Variants in CTNNA3 observed in about 807,000 individuals in gnomAD.
CTNNA3 encodes catenin alpha 3, also known as catenin alpha-3.
CTNNA3 carries 76 observed loss-of-function variants against 95.7 expected under a neutral mutation model. The observed-to-expected ratio is 0.79, with a 90% CI of 0.66 to 0.96. The LOEUF (loss-of-function observed/expected upper bound fraction) is 0.96. Ranked by LOEUF, CTNNA3 falls within the 40% of genes least tolerant of loss-of-function variation. CTNNA3 has a pLI of 0.00. For synonymous variants in CTNNA3, 431 were observed against 374.4 expected, an observed-to-expected ratio of 1.15 and a Z score of -1.74; for missense variants, 1,191 against 1,089.8, an observed-to-expected ratio of 1.09 and a Z score of -1.31.
rs1322884423 is a variant in CTNNA3, at chr10:66,927,082, C to A, written c.1048-151558G>T. On this transcript the variant is annotated intron_variant, in intron 7 of 17. Transcript: ENST00000433211. This position sits in a 1 kb window ranked among gnomAD's most constrained non-coding sequence, Gnocchi z 4.7. Reference sequence around the variant, plus strand: ...TGAATCTCAGAAATTACAGGAGATACCCTCAAGTATATCTGCTGGTTGCTT... The same window carrying A: ...TGAATCTCAGAAATTACAGGAGATAACCTCAAGTATATCTGCTGGTTGCTT... The A allele has an allele frequency of 6.2e-7, 1 of 1,614,166 alleles. No individual in the cohort carries two copies. Among genetic ancestry groups the A allele is most frequent in the Non-Finnish European group, 8.5e-7 (1 of 1,180,036 alleles).
At chr10:67,753,969 T>C (rs1011424213) in intron 1 of CTNNA3, among the ~76,000 whole-genome samples, 2 of 152,216 alleles carry the variant, frequency 1.3e-5, no homozygotes, top group Non-Finnish European at 2.9e-5. Context: ...ACTGGGTATA[T>C]ACCCAAAGGA....
intron 7 of CTNNA3, among the ~76,000 whole-genome samples, chr10:67,139,791 A>T (rs1211642666): frequency 6.6e-6 from 1 of 152,236 alleles, no homozygotes; most frequent in Admixed American, 6.5e-5. Context: ...AAATAATTTT[A>T]TAATCAGTGT....
chr10:65,969,984 G>A (rs1437582675), intron 16 of CTNNA3, among the ~76,000 whole-genome samples: 1 of 151,986 alleles, frequency 6.6e-6, no homozygotes, highest in Non-Finnish European at 1.5e-5. Context: ...GACTATCCAA[G>A]GTCAATACTA....
chr10:66,360,646 TCTTTCTTTCTTTCTTCCTTCCTTCCTTC>T (rs1363533002), intron 12 of CTNNA3, among the ~76,000 whole-genome samples: 1,062 of 66,664 alleles, frequency 0.016, 21 homozygotes, highest in East Asian at 0.13. Context: ...TTTCTTTCTT[TCTTTCTTTCTTTCTTCCTTCCTTCCTTC>T]CTTCCTTCCT....
intron 16 of CTNNA3, among the ~76,000 whole-genome samples, chr10:65,982,914 A>G (rs2078354361): frequency 1.3e-5 from 2 of 151,548 alleles, no homozygotes; most frequent in Non-Finnish European, 3.0e-5. Context: ...GCTTCTCAGT[A>G]GTATAGTTTC....
At chr10:67,581,125 C>G (rs952443516) in intron 3 of CTNNA3, among the ~76,000 whole-genome samples, 6 of 152,144 alleles carry the variant, frequency 3.9e-5, no homozygotes, top group Non-Finnish European at 7.4e-5. Context: ...GAGGGTATCC[C>G]TGTCTTGTGC....
At chr10:66,045,195 A>G (rs2079803416) in intron 15 of CTNNA3, among the ~76,000 whole-genome samples, 1 of 152,212 alleles carries the variant, frequency 6.6e-6, no homozygotes, top group Non-Finnish European at 1.5e-5. Context: ...TCACAATTAG[A>G]GCAGATTTTA....
chr10:66,771,037 T>A (rs1172282079), intron 8 of CTNNA3, among the ~76,000 whole-genome samples: 1 of 152,110 alleles, frequency 6.6e-6, no homozygotes, highest in Non-Finnish European at 1.5e-5. Flanking sequence ...ATGATGAGGA[T>A]GATGACCAGG....
intron 13 of CTNNA3, among the ~76,000 whole-genome samples, chr10:66,212,050 C>T (rs1482790170): frequency 2.3e-5 from 3 of 130,970 alleles, no homozygotes; most frequent in African/African-American, 6.1e-5. Context: ...AATGCAGTGG[C>T]GCGATCTCAG....
At chr10:65,999,914 T>A (rs2078737072) in intron 15 of CTNNA3, among the ~76,000 whole-genome samples, 1 of 142,246 alleles carries the variant, frequency 7.0e-6, no homozygotes, top group African/African-American at 2.6e-5. Context: ...TAAACAGTGG[T>A]TACAATAATA....
At chr10:66,037,079 A>G (rs868186128) in intron 15 of CTNNA3, among the ~76,000 whole-genome samples, 3 of 151,806 alleles carry the variant, frequency 2.0e-5, no homozygotes, top group Non-Finnish European at 4.4e-5. Flanking sequence ...TCACCATGTT[A>G]GCCAGGATGG....
At chr10:66,901,587 G>C (rs1845746869) in intron 7 of CTNNA3, among the ~76,000 whole-genome samples, 1 of 152,122 alleles carries the variant, frequency 6.6e-6, no homozygotes, top group Non-Finnish European at 1.5e-5. Context: ...CTGGCAAATT[G>C]GATAAAGAGT....
chr10:67,243,589 T>C (rs1210394203), intron 5 of CTNNA3, among the ~76,000 whole-genome samples: 1 of 152,220 alleles, frequency 6.6e-6, no homozygotes, highest in African/African-American at 2.4e-5. Context: ...TTTTTTGTTA[T>C]AGACAAGCAT....
rs1844754511 is a variant in CTNNA3 at position 66,621,670 on chromosome 10, A to G, written c.1374+22T>C. On this transcript the variant is annotated intron_variant, in intron 10 of 17. Transcript: ENST00000433211. ...GGAATTATATATAATTTTACACACA[A>G]AAAGTAACTTAGTTGTCATACCTGT... 2.1e-6 allele frequency: 3 copies of G among 1,430,186 alleles called. No individual in the cohort carries two copies. The African/African-American group carries it at 4.3e-5, about 21-fold the overall frequency. The allele number at this position is 1,430,186 out of a possible 1,614,324, so 88.6% of individuals were successfully genotyped here. A position where few individuals can be genotyped will look rare whatever the true frequency, so the allele number is the denominator to read the frequency against.
At chr10:66,308,081 T>C (rs942518624) in intron 12 of CTNNA3, among the ~76,000 whole-genome samples, 1 of 152,230 alleles carries the variant, frequency 6.6e-6, no homozygotes, top group Non-Finnish European at 1.5e-5. Context: ...TTGTTTATAC[T>C]GTAGGTGGCA....
chr10:66,331,439 C>T (rs1173569749), intron 12 of CTNNA3, among the ~76,000 whole-genome samples: 6 of 146,920 alleles, frequency 4.1e-5, no homozygotes, highest in Admixed American at 2.0e-4. Context: ...CTGCAAGCTC[C>T]GCCTCCCGGG....
At chr10:67,273,978 G>T (rs975552992) in intron 5 of CTNNA3, among the ~76,000 whole-genome samples, 1 of 152,164 alleles carries the variant, frequency 6.6e-6, no homozygotes, top group Non-Finnish European at 1.5e-5. Flanking sequence ...TTACAAGGAT[G>T]TTTGTATTCA....
intron 10 of CTNNA3, among the ~76,000 whole-genome samples, chr10:66,611,370 T>C (rs1434901275): frequency 1.3e-5 from 2 of 152,096 alleles, no homozygotes; most frequent in Non-Finnish European, 2.9e-5. Flanking sequence ...ATTGTTTATG[T>C]ATCCAAATAT....
chr10:66,727,358 T>C (rs1052013568), intron 9 of CTNNA3, among the ~76,000 whole-genome samples: 1 of 152,082 alleles, frequency 6.6e-6, no homozygotes, highest in Non-Finnish European at 1.5e-5. Flanking sequence ...AAAATTAGTC[T>C]AGCTCCCTAT....
Sources: gnomAD v4.1 joint callset for allele counts (sites outside exome capture counted in the v4.1 genomes callset) on GRCh38, gnomAD v4.1.1 for gene constraint, Gnocchi (gnomAD v3.1) non-coding constraint, MANE v1.5 for transcripts, NCBI Gene and HGNC (gene_info 2026-07-23, HGNC 2026-07-21) for gene names.